The following SOX6 variants were observed in gnomAD, a reference collection of about 807,000 sequenced individuals.
SOX6 encodes SRY-box transcription factor 6.
SOX6 carries 11 observed loss-of-function variants against 97.8 expected under a neutral mutation model. The ratio of observed to expected loss-of-function variants is 0.11; its 90% CI spans 0.07 to 0.19. The LOEUF (loss-of-function observed/expected upper bound fraction) is 0.19, where lower values mean the gene tolerates loss of function less well. SOX6 is among the 10% of genes least tolerant of loss of function. The pLI is 1.00. For missense variants in SOX6, 810 were observed against 1,039.5 expected, an observed-to-expected ratio of 0.78 and a Z score of 3.04; for synonymous variants, 360 against 371.4, an observed-to-expected ratio of 0.97 and a Z score of 0.35.
At chr11:16,063,082 G>A (rs1344008818) in intron 9 of SOX6, among the ~76,000 whole-genome samples, 3 of 151,592 alleles carry the variant, frequency 2.0e-5, no homozygotes, top group Non-Finnish European at 4.4e-5. Context: ...ATCCAGCATC[G>A]ATAAATTTGA....
At chr11:16,460,806 G>T (rs1217242190) in intron 1 of SOX6, among the ~76,000 whole-genome samples, 6 of 152,044 alleles carry the variant, frequency 3.9e-5, no homozygotes, top group Non-Finnish European at 7.4e-5. Context: ...CTATGTGAGA[G>T]CCACCTGATG....
At chr11:16,340,884 C>G in intron 2 of SOX6, 128 bp downstream of exon 2, 2 of 1,294,286 alleles carry the variant, frequency 1.5e-6, no homozygotes, top group Non-Finnish European at 2.2e-6. Flanking sequence ...GTAATATGTA[C>G]CTGGTAGTTG....
intron 12 of SOX6, among the ~76,000 whole-genome samples, chr11:16,043,768 C>T (rs1423665745): frequency 1.3e-5 from 2 of 152,182 alleles, no homozygotes; most frequent in Admixed American, 6.6e-5. Flanking sequence ...TTTATTCCCT[C>T]AGCTGCTGGA....
intron 11 of SOX6, among the ~76,000 whole-genome samples, chr11:16,049,002 C>A (rs937977202): frequency 6.6e-6 from 1 of 152,078 alleles, no homozygotes; most frequent in South Asian, 2.1e-4. Flanking sequence ...AATTGAATGC[C>A]TTCTAGGTTC....
chr11:16,657,184 C>G (rs1312508299), intron 3 of SOX6, among the ~76,000 whole-genome samples: 1 of 152,212 alleles, frequency 6.6e-6, no homozygotes, highest in Non-Finnish European at 1.5e-5. Context: ...TTTGCTTTTT[C>G]CAAAATGCCA....
At chr11:16,304,477 C>G (rs1855360972) in intron 3 of SOX6, among the ~76,000 whole-genome samples, 1 of 152,120 alleles carries the variant, frequency 6.6e-6, no homozygotes, top group Non-Finnish European at 1.5e-5. Flanking sequence ...GAGCCCTTAC[C>G]AGACACCAAA....
intron 6 of SOX6, among the ~76,000 whole-genome samples, chr11:16,177,147 A>G (rs912021577): frequency 5.3e-5 from 8 of 151,974 alleles, no homozygotes; most frequent in Non-Finnish European, 1.2e-4. Context: ...ATTCCCCAAA[A>G]GGTGGAAAAA....
chr11:15,989,302 C>T (rs1478076063), intron 13 of SOX6, 72 bp from the exon 14 acceptor site: 7 of 1,308,232 alleles, frequency 5.4e-6, no homozygotes, highest in South Asian at 3.0e-5. Context: ...CACAGCTTGC[C>T]GCCTGGGTCA....
chr11:16,013,336 G>A (rs935351809), intron 13 of SOX6, among the ~76,000 whole-genome samples: 1 of 151,950 alleles, frequency 6.6e-6, no homozygotes, highest in African/African-American at 2.4e-5. Context: ...ATTGAGATGG[G>A]CCAGACCTGA....
At chr11:16,734,809 A>C (rs961124901) in intron 2 of SOX6, among the ~76,000 whole-genome samples, 5 of 152,190 alleles carry the variant, frequency 3.3e-5, no homozygotes, top group Admixed American at 6.5e-5. Flanking sequence ...CCTACCCAAA[A>C]GCAGCTGAGA....
chr11:16,400,947 C>G (rs1858541322), intron 1 of SOX6, among the ~76,000 whole-genome samples: 1 of 151,420 alleles, frequency 6.6e-6, no homozygotes, highest in Admixed American at 6.6e-5. Context: ...AAACCATGGC[C>G]TTTATATTGA....
At chr11:16,197,714 C>T (rs1284024383) in intron 4 of SOX6, among the ~76,000 whole-genome samples, 1 of 152,072 alleles carries the variant, frequency 6.6e-6, no homozygotes, top group East Asian at 1.9e-4. Flanking sequence ...TCAAGATTAT[C>T]TAATGTTTCC....
chr11:16,677,089 G>A (rs1231341030), intron 3 of SOX6, among the ~76,000 whole-genome samples: 2 of 152,074 alleles, frequency 1.3e-5, no homozygotes, highest in African/African-American at 2.4e-5. Flanking sequence ...GCTTTTAAAT[G>A]TTTCCAAACT....
intron 3 of SOX6, among the ~76,000 whole-genome samples, chr11:16,643,313 A>C (rs1256713114): frequency 6.6e-6 from 1 of 152,204 alleles, no homozygotes; most frequent in African/African-American, 2.4e-5. Context: ...GTGAGGTGTC[A>C]GTCTGCCCCT....
chr11:16,299,533 ATTTAACATTCTTTTTTT>A (rs1855193937), intron 3 of SOX6, among the ~76,000 whole-genome samples: 1 of 152,170 alleles, frequency 6.6e-6, no homozygotes, highest in South Asian at 2.1e-4. Context: ...ACTGGTTAAT[ATTTAACATTCTTTTTTT>A]TAAAATCACC....
At chr11:16,460,466 T>C (rs903565753) in intron 1 of SOX6, among the ~76,000 whole-genome samples, 18 of 152,084 alleles carry the variant, frequency 1.2e-4, no homozygotes, top group Non-Finnish European at 2.9e-5. Context: ...GTATGAATGA[T>C]AAGGTAATAT....
At chr11:16,566,793 G>A (rs559686904) in intron 4 of SOX6, among the ~76,000 whole-genome samples, 7 of 152,260 alleles carry the variant, frequency 4.6e-5, no homozygotes, top group African/African-American at 1.7e-4. Context: ...ATTAAACACG[G>A]GACTTTCATA....
intron 3 of SOX6, among the ~76,000 whole-genome samples, chr11:16,274,449 AGGT>A (rs1339983591): frequency 6.6e-6 from 1 of 152,092 alleles, no homozygotes; most frequent in Admixed American, 6.6e-5. Flanking sequence ...GTTAATTTCT[AGGT>A]GGTGGTATTA....
intron 6 of SOX6, among the ~76,000 whole-genome samples, chr11:16,147,088 G>T (rs952925580): frequency 6.6e-6 from 1 of 152,190 alleles, no homozygotes; most frequent in East Asian, 1.9e-4. Flanking sequence ...CAATAGCAAA[G>T]ACTTGGAACC....
Sources: gnomAD v4.1 joint callset for allele counts (sites outside exome capture counted in the v4.1 genomes callset) on GRCh38, gnomAD v4.1.1 for gene constraint, MANE v1.5 for transcripts, NCBI Gene and HGNC (gene_info 2026-07-23, HGNC 2026-07-21) for gene names.